ZDHHC13: variants seen among roughly 807,000 people sequenced by gnomAD.
ZDHHC13 encodes palmitoyltransferase ZDHHC13.
Under a neutral mutation model 86.0 loss-of-function variants are expected in ZDHHC13, and 85 were observed. The observed-to-expected ratio is 0.99, with a 90% confidence interval of 0.83 to 1.18. The LOEUF (loss-of-function observed/expected upper bound fraction) is 1.18, where lower values mean the gene tolerates loss of function less well. Ranked by LOEUF, ZDHHC13 falls within the 50% of genes most tolerant of loss-of-function variation. The probability of loss-of-function intolerance (pLI) is 0.00; values close to 1 mark genes in which losing one functional copy is unlikely to be tolerated. For missense variants in ZDHHC13, 711 were observed against 730.2 expected (o/e 0.97, Z 0.30); for synonymous variants, 263 against 246.4 (o/e 1.07, Z -0.63).
chr11:19,127,204 C>T (rs1377945109), intron 1 of ZDHHC13, among the ~76,000 whole-genome samples: 2 of 152,154 alleles, frequency 1.3e-5, no homozygotes, highest in Admixed American at 6.6e-5. Flanking sequence ...CTCTAATGAT[C>T]AGTGATGTTG....
At chr11:19,158,209 A>G (rs1173593258) in intron 9 of ZDHHC13, among the ~76,000 whole-genome samples, 1 of 151,546 alleles carries the variant, frequency 6.6e-6, no homozygotes, top group Non-Finnish European at 1.5e-5. Context: ...ACCTACTGTT[A>G]ATCATTGTTT....
chr11:19,117,593 G>C lies in ZDHHC13; in HGVS notation c.27+317G>C, dbSNP rs975125975. ...CTGTGGGCCTGGGGAGGGGACGATG[G>C]CCCTTCCCGGGAGAGGTGTCAGGTG... On this transcript the variant is annotated intron_variant, in intron 1 of 16. Coordinates refer to ENST00000446113, the MANE Select transcript of ZDHHC13 (RefSeq NM_019028.3). This position sits in a 1 kb window ranked among gnomAD's most constrained non-coding sequence, Gnocchi z 4.2. 63 of 342,012 alleles carry C rather than the reference G, an allele frequency of 1.8e-4. No individual in the cohort carries two copies. Among genetic ancestry groups the C allele is most frequent in the Middle Eastern group, 7.5e-4 (1 of 1,338 alleles). 21.2% of individuals were successfully genotyped at this position (342,012 alleles called of 1,614,324 possible).
chr11:19,140,539 C>T (rs1227012337), intron 1 of ZDHHC13, among the ~76,000 whole-genome samples: 2 of 152,072 alleles, frequency 1.3e-5, no homozygotes, highest in African/African-American at 2.4e-5. Flanking sequence ...CTAGAAATAC[C>T]ATTTGACCCA....
At chr11:19,141,086 A>G (rs866984993) in intron 1 of ZDHHC13, among the ~76,000 whole-genome samples, 22 of 151,832 alleles carry the variant, frequency 1.4e-4, no homozygotes, top group South Asian at 8.3e-4. Flanking sequence ...AAAAAAAAAG[A>G]AAAAAAAGTA....
chr11:19,167,835 AC>A (rs1474827031), intron 14 of ZDHHC13: 1 of 152,100 alleles, frequency 6.6e-6, no homozygotes, highest in Non-Finnish European at 1.5e-5. Flanking sequence ...ATTTTTTGAG[AC>A]AGGGTCTCAC....
Position 19,117,223 on chromosome 11 carries a change from C to G in ZDHHC13, c.-27C>G. The G allele has an allele frequency of 6.5e-7, 1 of 1,529,060 alleles. No homozygotes were observed. Among genetic ancestry groups the G allele is most frequent in the South Asian group, 1.2e-5 (1 of 83,536 alleles). The allele number at this position is 1,529,060 out of a possible 1,614,324, so 94.7% of individuals were successfully genotyped here. ...GCGGCAGTCGCTACTTGCCTAGTAG[C>G]CTCAGCCGCTGTGGGCTCCTGGGGA... On this transcript the variant is annotated 5_prime_UTR_variant, in exon 1 of 17. Transcript: ENST00000446113. This position sits in a 1 kb window ranked among gnomAD's most constrained non-coding sequence, Gnocchi z 4.2.
At position 19,149,177 on chromosome 11, in the gene ZDHHC13, C is replaced by T. The variant is rs1307986777; in HGVS notation, c.375-10C>T. On this transcript the variant is annotated splice_polypyrimidine_tract_variant and intron_variant, in intron 4 of 16. Transcript: ENST00000446113. ...ATGCTACAGAATGGCTTTTTGTCTT[C>T]TATTTGCAGACAAGGACATTTACCT... The T allele has an allele frequency of 2.0e-6, 3 of 1,526,906 alleles. No homozygotes were observed. The highest frequency in any genetic ancestry group is 1.9e-5 in the Admixed American group (1 of 53,420). The allele number at this position is 1,526,906 out of a possible 1,614,324, so 94.6% of individuals were successfully genotyped here. A position where few individuals can be genotyped will look rare whatever the true frequency, so the allele number is the denominator to read the frequency against.
chr11:19,123,348 G>C (rs983328797), intron 1 of ZDHHC13, among the ~76,000 whole-genome samples: 17 of 152,094 alleles, frequency 1.1e-4, no homozygotes, highest in Admixed American at 6.6e-5. Context: ...GGGTCAGGGT[G>C]GGGTGTGGTG....
chr11:19,138,439 A>G (rs1849210709), intron 1 of ZDHHC13, among the ~76,000 whole-genome samples: 1 of 150,292 alleles, frequency 6.7e-6, no homozygotes, highest in Non-Finnish European at 1.5e-5. Flanking sequence ...CCAACCAAAA[A>G]GAGTCCAGGA....
intron 8 of ZDHHC13, among the ~76,000 whole-genome samples, chr11:19,154,751 T>G (rs756970540): frequency 2.0e-5 from 3 of 152,240 alleles, no homozygotes; most frequent in Admixed American, 6.5e-5. Flanking sequence ...CTGGATTCCC[T>G]GAAACCTTTC....
chr11:19,125,112 T>C (rs1848845637), intron 1 of ZDHHC13, among the ~76,000 whole-genome samples: 1 of 152,150 alleles, frequency 6.6e-6, no homozygotes, highest in African/African-American at 2.4e-5. Flanking sequence ...AAAGAACAAA[T>C]TGATAAATTG....
intron 1 of ZDHHC13, among the ~76,000 whole-genome samples, chr11:19,129,785 G>A (rs868369763): frequency 2.4e-4 from 37 of 152,082 alleles, no homozygotes; most frequent in Admixed American, 5.9e-4. Flanking sequence ...GGTATGTAGT[G>A]ATTCTGCCTC....
chr11:19,159,523 C>CTGAGTTTCAGAAAATCAG (rs1231756551), intron 10 of ZDHHC13, among the ~76,000 whole-genome samples: 1 of 150,186 alleles, frequency 6.7e-6, no homozygotes, highest in African/African-American at 2.5e-5. Flanking sequence ...TACTTTGCCA[C>CTGAGTTTCAGAAAATCAG]TCAACATATA....
intron 9 of ZDHHC13, among the ~76,000 whole-genome samples, chr11:19,158,044 C>T (rs1053802216): frequency 3.3e-5 from 5 of 152,082 alleles, no homozygotes; most frequent in African/African-American, 4.8e-5. Flanking sequence ...GCAAGATCTC[C>T]GACAGACCAT....
At chr11:19,175,417 A>AAAAAAAAAAAT (rs1850336963) in intron 16 of ZDHHC13, among the ~76,000 whole-genome samples, 4 of 135,612 alleles carry the variant, frequency 2.9e-5, no homozygotes, top group African/African-American at 5.4e-5. Flanking sequence ...AAAAAAAAAA[A>AAAAAAAAAAAT]GGTTTAGGGA....
At chr11:19,168,803 C>T in intron 14 of ZDHHC13, 1 of 985,420 alleles carries the variant, frequency 1.0e-6, no homozygotes, top group Non-Finnish European at 1.2e-6. Context: ...GTACAGCCTC[C>T]ATCCATTTCA....
chr11:19,127,879 A>G (rs1261726118), intron 1 of ZDHHC13, among the ~76,000 whole-genome samples: 1 of 152,204 alleles, frequency 6.6e-6, no homozygotes, highest in East Asian at 1.9e-4. Context: ...GAAGTCAGGT[A>G]GTGTAATTCC....
chr11:19,149,767 A>G (rs1210151511), intron 5 of ZDHHC13, among the ~76,000 whole-genome samples: 2 of 152,256 alleles, frequency 1.3e-5, no homozygotes, highest in African/African-American at 4.8e-5. Flanking sequence ...TAATTCCATG[A>G]AAATTGACTT....
At chr11:19,137,179 G>A (rs1057366949) in intron 1 of ZDHHC13, among the ~76,000 whole-genome samples, 14 of 152,052 alleles carry the variant, frequency 9.2e-5, no homozygotes, top group African/African-American at 2.9e-4. Context: ...CCCATCTCAT[G>A]TGCAGAGACA....
Sources: allele counts gnomAD v4.1 joint callset (sites outside exome capture counted in the v4.1 genomes callset), GRCh38; gene constraint gnomAD v4.1.1; non-coding constraint Gnocchi (gnomAD v3.1); transcripts MANE v1.5; gene names NCBI Gene and HGNC (gene_info 2026-07-23, HGNC 2026-07-21).